NSMCE2: variants seen among roughly 807,000 people sequenced by gnomAD.
The protein encoded by NSMCE2 is E3 SUMO-protein ligase NSE2.
In NSMCE2, 24 loss-of-function variants were observed where a neutral mutation model predicts 23.8. The ratio of observed to expected loss-of-function variants is 1.01; its 90% CI spans 0.73 to 1.42. The LOEUF (loss-of-function observed/expected upper bound fraction) is 1.42. NSMCE2 is among the 40% of genes most tolerant of loss of function. The pLI is 0.00. For missense variants in NSMCE2, 284 were observed against 296.5 expected (o/e 0.96, Z 0.31); for synonymous variants, 92 against 94.1 (o/e 0.98, Z 0.13).
intron 5 of NSMCE2, among the ~76,000 whole-genome samples, chr8:125,313,393 A>C (rs1435902823): frequency 6.6e-6 from 1 of 152,150 alleles, no homozygotes; most frequent in Admixed American, 6.6e-5. Flanking sequence ...CAGTTGAGTT[A>C]ATTTACTGTG....
intron 5 of NSMCE2, among the ~76,000 whole-genome samples, chr8:125,217,963 G>A (rs151141455): frequency 2.0e-5 from 3 of 151,774 alleles, no homozygotes; most frequent in Non-Finnish European, 2.9e-5. Flanking sequence ...TCAGGTATTT[G>A]TGGTCATTAA....
intron 4 of NSMCE2, among the ~76,000 whole-genome samples, chr8:125,174,734 A>G (rs1462375872): frequency 6.6e-6 from 1 of 152,262 alleles, no homozygotes; most frequent in Non-Finnish European, 1.5e-5. Flanking sequence ...GTTGGCTGCT[A>G]CTTAATAGTA....
chr8:125,223,602 C>CAGG (rs1586634955), intron 5 of NSMCE2, among the ~76,000 whole-genome samples: 2 of 152,094 alleles, frequency 1.3e-5, no homozygotes, highest in East Asian at 3.8e-4. Context: ...AACAATGTAC[C>CAGG]AGGGTTGCCT....
At chr8:125,200,576 AC>A (rs34744353) in intron 5 of NSMCE2, among the ~76,000 whole-genome samples, 14,929 of 152,142 alleles carry the variant, frequency 0.098, 941 homozygotes, top group South Asian at 0.17. Context: ...TTTGTGGGTA[AC>A]CTGACTTTTC....
chr8:125,320,218 AGGAG>A (rs1345484725), intron 5 of NSMCE2, among the ~76,000 whole-genome samples: 3 of 40,408 alleles, frequency 7.4e-5, no homozygotes, highest in East Asian at 7.7e-4. Context: ...GAAGGAAGGA[AGGAG>A]GGAGGGAGGG....
chr8:125,105,945 GA>G (rs996591620), intron 3 of NSMCE2, among the ~76,000 whole-genome samples: 1 of 151,926 alleles, frequency 6.6e-6, no homozygotes, highest in African/African-American at 2.4e-5. Context: ...AGTTATATGG[GA>G]AAAAAAGTGA....
intron 5 of NSMCE2, among the ~76,000 whole-genome samples, chr8:125,356,224 G>A (rs1813266666): frequency 6.8e-6 from 1 of 147,114 alleles, no homozygotes; most frequent in African/African-American, 2.5e-5. Context: ...CATTATGTAT[G>A]TCTGTGTGTA....
At chr8:125,103,414 T>C (rs1818301162) in intron 3 of NSMCE2, among the ~76,000 whole-genome samples, 1 of 152,250 alleles carries the variant, frequency 6.6e-6, no homozygotes. Context: ...GTTTTGTTTT[T>C]ATTGGCATAG....
At chr8:125,290,259 G>A (rs1333773501) in intron 5 of NSMCE2, among the ~76,000 whole-genome samples, 1 of 152,036 alleles carries the variant, frequency 6.6e-6, no homozygotes, top group Non-Finnish European at 1.5e-5. Flanking sequence ...AAATGTCTTA[G>A]TCAAAACGTG....
chr8:125,155,771 C>T (rs10107857), intron 4 of NSMCE2, among the ~76,000 whole-genome samples: 1,742 of 152,238 alleles, frequency 0.011, 16 homozygotes, highest in Middle Eastern at 0.041. Flanking sequence ...GGAGAGTGAA[C>T]ACCAGTTTAG....
intron 3 of NSMCE2, among the ~76,000 whole-genome samples, chr8:125,133,669 G>A (rs1429950721): frequency 1.3e-5 from 2 of 151,796 alleles, no homozygotes; most frequent in Non-Finnish European, 2.9e-5. Context: ...GCTTGAACCT[G>A]GGAGGCAGAG....
intron 5 of NSMCE2, among the ~76,000 whole-genome samples, chr8:125,284,253 C>T (rs1827811178): frequency 6.6e-6 from 1 of 151,638 alleles, no homozygotes; most frequent in South Asian, 2.1e-4. Context: ...AAAAAATACC[C>T]CTGAAAGACA....
In NSMCE2 at chr8:125,289,271, T is replaced by C. The variant is rs114471817; in HGVS notation, c.419-67948T>C. Among the ~76,000 whole-genome samples the C allele has an allele frequency of 1.1e-3, 165 of 152,276 alleles. 1 individual carries two copies. Among genetic ancestry groups the C allele is most frequent in the African/African-American group, 3.7e-3 (153 of 41,546 alleles). ...GAAAAATATAGGCAGTTATCCAAAG[T>C]ATCACTCATGCAGCTGTTGCAGGAC... On this transcript the variant is annotated intron_variant, in intron 5 of 7. Coordinates refer to ENST00000287437, the MANE Select transcript of NSMCE2 (RefSeq NM_173685.4).
At chr8:125,168,364 C>CTAGA (rs1162386241) in intron 4 of NSMCE2, among the ~76,000 whole-genome samples, 12 of 152,178 alleles carry the variant, frequency 7.9e-5, no homozygotes, top group African/African-American at 2.9e-4. Flanking sequence ...AGAAGACTGT[C>CTAGA]TAGAGTCTTT....
At chr8:125,344,657 C>T (rs915636568) in intron 5 of NSMCE2, among the ~76,000 whole-genome samples, 2 of 151,226 alleles carry the variant, frequency 1.3e-5, no homozygotes, top group Non-Finnish European at 2.9e-5. Flanking sequence ...GCAGGAGAGT[C>T]GCTTGAACCC....
chr8:125,343,472 A>C (rs994893341), intron 5 of NSMCE2, among the ~76,000 whole-genome samples: 1 of 152,174 alleles, frequency 6.6e-6, no homozygotes, highest in African/African-American at 2.4e-5. Flanking sequence ...AACATATTAT[A>C]TAAATTTAAA....
At chr8:125,169,973 C>T (rs1242752002) in intron 4 of NSMCE2, among the ~76,000 whole-genome samples, 1 of 151,922 alleles carries the variant, frequency 6.6e-6, no homozygotes, top group East Asian at 1.9e-4. Flanking sequence ...TTACTCTCCA[C>T]AGACTGAGGC....
chr8:125,244,048 C>T (rs1368481721), intron 5 of NSMCE2, among the ~76,000 whole-genome samples: 1 of 151,694 alleles, frequency 6.6e-6, no homozygotes, highest in Non-Finnish European at 1.5e-5. Context: ...TTTTAAGTAG[C>T]ATAGAATTAA....
chr8:125,282,133 AG>A (rs1827720891), intron 5 of NSMCE2, among the ~76,000 whole-genome samples: 1 of 149,324 alleles, frequency 6.7e-6, no homozygotes, highest in Non-Finnish European at 1.5e-5. Context: ...TTTTTCTTTG[AG>A]AGGGAGTCTC....
Sources: gnomAD v4.1 joint callset for allele counts (sites outside exome capture counted in the v4.1 genomes callset) on GRCh38, gnomAD v4.1.1 for gene constraint, MANE v1.5 for transcripts, NCBI Gene and HGNC (gene_info 2026-07-23, HGNC 2026-07-21) for gene names.